The following LNX1 variants were observed in gnomAD, a reference collection of about 807,000 sequenced individuals.
LNX1 encodes ligand of numb-protein X 1, also known as E3 ubiquitin-protein ligase LNX.
In LNX1, 54 loss-of-function variants were observed where a neutral mutation model predicts 68.4. That is an observed-to-expected ratio of 0.79 (90% CI 0.63 to 0.99). LNX1 has a LOEUF of 0.99. Among genes scored for constraint, LNX1 ranks in the 50% least tolerant of loss-of-function variants. The pLI is 0.00. For missense variants in LNX1, 906 were observed against 926.4 expected, an observed-to-expected ratio of 0.98 and a Z score of 0.29; for synonymous variants, 336 against 350.0, an observed-to-expected ratio of 0.96 and a Z score of 0.45.
upstream of LNX1, among the ~76,000 whole-genome samples, chr4:53,618,567 AG>A (rs1300269584): frequency 6.6e-6 from 1 of 152,164 alleles, no homozygotes; most frequent in East Asian, 1.9e-4. Flanking sequence ...CTGTATGTAA[AG>A]GAAAACACCC....
chr4:53,631,634 G>T lies in LNX1; in HGVS notation c.-215+20534C>A, dbSNP rs529645685. ...TATCCGAGAGACTTAAGAAGTCCCT[G>T]ATGTCAGACCACAACTTAAGACCAT... is the stretch of plus-strand genomic sequence containing the variant. On this transcript the variant is annotated intron_variant, in intron 1 of 2. Transcript: ENST00000507168. 3.5e-4 allele frequency among the ~76,000 whole-genome samples: 53 copies of T among 152,282 alleles called. No individual in the cohort carries two copies. The South Asian group carries it at 0.011, about 30-fold the overall frequency.
chr4:53,605,122 A>G (rs1446345464), intron 2 of LNX1, among the ~76,000 whole-genome samples: 1 of 152,166 alleles, frequency 6.6e-6, no homozygotes, highest in Non-Finnish European at 1.5e-5. Context: ...AAGGAGTTAC[A>G]AGGCCCACCC....
At chr4:53,568,871 G>A (rs934277880) in intron 2 of LNX1, among the ~76,000 whole-genome samples, 2 of 152,026 alleles carry the variant, frequency 1.3e-5, no homozygotes, top group African/African-American at 4.8e-5. Flanking sequence ...ACCAATAACA[G>A]ACAAACAGAG....
At position 53,567,832 on chromosome 4, in the gene LNX1, G is replaced by A. The variant is rs564155126; in HGVS notation, c.380+5791C>T. 1.9e-4 allele frequency among the ~76,000 whole-genome samples: 29 copies of A among 152,186 alleles called. No homozygotes were observed. In the South Asian group the frequency reaches 6.0e-3, roughly 32 times the overall value. The stretch of plus-strand genomic sequence containing the variant: ...AGGGGATATCACCACCGATCCCACA[G>A]AAATACAAACTACCATCAGAGAATA... On this transcript the variant is annotated intron_variant, in intron 2 of 10. Coordinates refer to ENST00000263925, the MANE Select transcript of LNX1 (RefSeq NM_001126328.3).
At chr4:53,638,307 T>C (rs1401296686) in intron 1 of LNX1, among the ~76,000 whole-genome samples, 1 of 152,242 alleles carries the variant, frequency 6.6e-6, no homozygotes, top group Non-Finnish European at 1.5e-5. Context: ...CAGTCAATTC[T>C]AGTTAGCAAG....
chr4:53,549,988 A>T (rs1487226300), intron 2 of LNX1, among the ~76,000 whole-genome samples: 1 of 152,192 alleles, frequency 6.6e-6, no homozygotes, highest in Admixed American at 6.5e-5. Flanking sequence ...CCCTAGGAGG[A>T]GAACACTTTG....
At chr4:53,545,977 T>C (rs1729089690) in intron 2 of LNX1, among the ~76,000 whole-genome samples, 1 of 152,076 alleles carries the variant, frequency 6.6e-6, no homozygotes, top group Admixed American at 6.5e-5. Flanking sequence ...CAGATAATTT[T>C]TGTATTTTTA....
intron 1 of LNX1, among the ~76,000 whole-genome samples, chr4:53,641,883 T>G (rs1734699234): frequency 6.6e-6 from 1 of 152,218 alleles, no homozygotes; most frequent in Non-Finnish European, 1.5e-5. Flanking sequence ...TGCTTAGTAT[T>G]GCATTGTGTG....
At chr4:53,461,697 C>CTAAG (rs1722125255) in intron 9 of LNX1, 104 bp from the exon 10 acceptor site, 1 of 813,868 alleles carries the variant, frequency 1.2e-6, no homozygotes. Flanking sequence ...TTTTTAATGG[C>CTAAG]TAAGTACCAC....
intron 2 of LNX1, among the ~76,000 whole-genome samples, chr4:53,573,234 G>A (rs1053380500): frequency 3.6e-4 from 55 of 152,178 alleles, no homozygotes; most frequent in African/African-American, 1.2e-3. Flanking sequence ...CCAGGGGCTG[G>A]GGGAAGGTGG....
intron 1 of LNX1, among the ~76,000 whole-genome samples, chr4:53,576,642 T>A (rs1413587092): frequency 5.4e-5 from 8 of 148,808 alleles, no homozygotes; most frequent in South Asian, 4.3e-4. Context: ...AAAAATAAAT[T>A]AAAAAAAAAA....
chr4:53,638,911 GT>G (rs1354495910), intron 1 of LNX1, among the ~76,000 whole-genome samples: 3 of 152,218 alleles, frequency 2.0e-5, no homozygotes, highest in African/African-American at 7.2e-5. Flanking sequence ...TTCAGCCACT[GT>G]GGAAAGCAGT....
At chr4:53,514,365 T>C (rs760404934) in intron 2 of LNX1, among the ~76,000 whole-genome samples, 1 of 152,226 alleles carries the variant, frequency 6.6e-6, no homozygotes, top group African/African-American at 2.4e-5. Context: ...TACCCAAGAC[T>C]GGGTAATTTA....
chr4:53,638,744 T>G (rs1734571865), intron 1 of LNX1, among the ~76,000 whole-genome samples: 1 of 152,200 alleles, frequency 6.6e-6, no homozygotes, highest in Non-Finnish European at 1.5e-5. Context: ...CATTCAGGCA[T>G]GAGTTATAGC....
At chr4:53,542,348 AG>A (rs1254509252) in intron 2 of LNX1, among the ~76,000 whole-genome samples, 2 of 152,188 alleles carry the variant, frequency 1.3e-5, no homozygotes, top group African/African-American at 4.8e-5. Flanking sequence ...GGGATGGGGT[AG>A]GGGGTGGATT....
At chr4:53,613,217 G>A (rs1329150528) in intron 2 of LNX1, among the ~76,000 whole-genome samples, 4 of 151,900 alleles carry the variant, frequency 2.6e-5, no homozygotes, top group Non-Finnish European at 5.9e-5. Context: ...CTGTACACAT[G>A]AACATATGTT....
At chr4:53,550,623 A>G (rs920960912) in intron 2 of LNX1, among the ~76,000 whole-genome samples, 7 of 152,188 alleles carry the variant, frequency 4.6e-5, no homozygotes, top group African/African-American at 1.7e-4. Flanking sequence ...TGCTAAGGCA[A>G]TCCACTGTAT....
At chr4:53,503,959 C>A (rs540490708) in intron 4 of LNX1, among the ~76,000 whole-genome samples, 1 of 152,300 alleles carries the variant, frequency 6.6e-6, no homozygotes, top group Non-Finnish European at 1.5e-5. Flanking sequence ...CATGGCGAAA[C>A]CCTGTCTCTA....
At chr4:53,572,224 A>C (rs1453958872) in intron 2 of LNX1, among the ~76,000 whole-genome samples, 1 of 152,136 alleles carries the variant, frequency 6.6e-6, no homozygotes, top group African/African-American at 2.4e-5. Context: ...ATACCTGGGC[A>C]AAACTTTCAG....
Sources: gnomAD v4.1 joint callset for allele counts (sites outside exome capture counted in the v4.1 genomes callset) on GRCh38, gnomAD v4.1.1 for gene constraint, MANE v1.5 for transcripts, NCBI Gene and HGNC (gene_info 2026-07-23, HGNC 2026-07-21) for gene names.